The following KCNMB2 variants were observed in gnomAD, a reference collection of about 807,000 sequenced individuals.
KCNMB2 encodes the protein calcium-activated potassium channel subunit beta-2.
KCNMB2 carries 9 observed loss-of-function variants against 24.5 expected under a neutral mutation model. That is an observed-to-expected ratio of 0.37 (90% confidence interval 0.22 to 0.64). The LOEUF is 0.64. KCNMB2 is among the 30% of genes least tolerant of loss of function. The pLI is 0.63. For synonymous variants in KCNMB2, 109 were observed against 104.4 expected (o/e 1.04, Z -0.27); for missense variants, 226 against 284.3 (o/e 0.79, Z 1.47).
chr3:178,588,125 C>G (rs6793217), intron 1 of KCNMB2, among the ~76,000 whole-genome samples: 1 of 152,008 alleles, frequency 6.6e-6, no homozygotes, highest in African/African-American at 2.4e-5. Flanking sequence ...TTCTGACCTA[C>G]TAAGAGATGG....
At chr3:178,758,636 C>A (rs1209434802) in intron 1 of KCNMB2, among the ~76,000 whole-genome samples, 2 of 12,350 alleles carry the variant, frequency 1.6e-4, no homozygotes, top group Non-Finnish European at 2.7e-4. Context: ...ATATATCTCT[C>A]TCTCCAAGAG....
chr3:178,675,242 A>G (rs915964733), intron 1 of KCNMB2, among the ~76,000 whole-genome samples: 1 of 152,258 alleles, frequency 6.6e-6, no homozygotes, highest in Non-Finnish European at 1.5e-5. Flanking sequence ...GCCTCTTAAT[A>G]AGCATTTGTG....
intron 1 of KCNMB2, among the ~76,000 whole-genome samples, chr3:178,571,377 G>A (rs1319513023): frequency 1.2e-4 from 17 of 143,636 alleles, no homozygotes; most frequent in East Asian, 2.1e-4. Flanking sequence ...AATATATGGT[G>A]AATAAATAAA....
chr3:178,816,780 T>G (rs978559272), intron 2 of KCNMB2, among the ~76,000 whole-genome samples: 2 of 152,172 alleles, frequency 1.3e-5, no homozygotes, highest in Non-Finnish European at 2.9e-5. Flanking sequence ...GATGTCATTC[T>G]AGTTATTTTT....
At chr3:178,649,306 C>T (rs942333289) in intron 1 of KCNMB2, among the ~76,000 whole-genome samples, 1 of 152,166 alleles carries the variant, frequency 6.6e-6, no homozygotes, top group Non-Finnish European at 1.5e-5. Flanking sequence ...TACTCATAAA[C>T]ATCACCTTCT....
At chr3:178,683,475 G>T (rs1472430154) in intron 1 of KCNMB2, among the ~76,000 whole-genome samples, 1 of 152,002 alleles carries the variant, frequency 6.6e-6, no homozygotes, top group Non-Finnish European at 1.5e-5. Flanking sequence ...CTGAATCTAG[G>T]ATAAAAGTTG....
chr3:178,775,573 A>G (rs1712546963), intron 1 of KCNMB2, among the ~76,000 whole-genome samples: 1 of 152,202 alleles, frequency 6.6e-6, no homozygotes, highest in Admixed American at 6.6e-5. Flanking sequence ...CTTAAGCGAT[A>G]ATCACTTATC....
intron 1 of KCNMB2, among the ~76,000 whole-genome samples, chr3:178,671,706 C>G (rs1270389448): frequency 6.6e-6 from 1 of 152,206 alleles, no homozygotes; most frequent in Non-Finnish European, 1.5e-5. Context: ...GCTCTGCTGT[C>G]TGTCCTTGCT....
intron 1 of KCNMB2, among the ~76,000 whole-genome samples, chr3:178,672,670 A>G (rs7625907): frequency 0.37 from 55,934 of 152,048 alleles, 10,371 homozygotes; most frequent in Middle Eastern, 0.51. Context: ...AAATGTGCCC[A>G]TGAACATTTG....
chr3:178,722,594 C>T (rs7633068), intron 1 of KCNMB2, among the ~76,000 whole-genome samples: 25,525 of 152,136 alleles, frequency 0.17, 2,511 homozygotes, highest in African/African-American at 0.26. Flanking sequence ...TTAGTCACCT[C>T]TAAATGGTCC....
At chr3:178,652,226 G>GA (rs968096490) in intron 1 of KCNMB2, among the ~76,000 whole-genome samples, 2 of 151,952 alleles carry the variant, frequency 1.3e-5, no homozygotes, top group Non-Finnish European at 2.9e-5. Flanking sequence ...GAATTTACAT[G>GA]AAAAAAACAA....
chr3:178,539,169 T>G (rs17590394), intron 1 of KCNMB2, among the ~76,000 whole-genome samples: 30,661 of 152,052 alleles, frequency 0.2, 3,384 homozygotes, highest in African/African-American at 0.29. Context: ...GACCAGATAT[T>G]TCTCAAACTA....
chr3:178,598,807 TG>T (rs1347825204), intron 1 of KCNMB2, among the ~76,000 whole-genome samples: 1 of 152,078 alleles, frequency 6.6e-6, no homozygotes, highest in Non-Finnish European at 1.5e-5. Flanking sequence ...GAAGCTCTTA[TG>T]TGTCATATTA....
chr3:178,709,819 C>T (rs1023240163), intron 1 of KCNMB2, among the ~76,000 whole-genome samples: 1 of 152,096 alleles, frequency 6.6e-6, no homozygotes, highest in African/African-American at 2.4e-5. Flanking sequence ...CTCATTTAAG[C>T]CATTCTATGT....
chr3:178,694,575 G>A (rs190502140), intron 1 of KCNMB2, among the ~76,000 whole-genome samples: 2 of 152,308 alleles, frequency 1.3e-5, no homozygotes, highest in Admixed American at 1.3e-4. Context: ...CAGGCACTGG[G>A]TAAGTACACC....
chr3:178,754,177 T>TAC (rs1282906632), intron 1 of KCNMB2, among the ~76,000 whole-genome samples: 12,269 of 116,594 alleles, frequency 0.11, 816 homozygotes, highest in Middle Eastern at 0.17. Context: ...TATATATATA[T>TAC]ACACACACAC....
At chr3:178,720,235 G>T (rs955263681) in intron 1 of KCNMB2, among the ~76,000 whole-genome samples, 1 of 151,614 alleles carries the variant, frequency 6.6e-6, no homozygotes, top group Non-Finnish European at 1.5e-5. Context: ...GCAGTGTTTG[G>T]TTTTTTGTCC....
intron 1 of KCNMB2, among the ~76,000 whole-genome samples, chr3:178,631,176 G>A (rs1447225758): frequency 2.0e-5 from 3 of 152,120 alleles, no homozygotes; most frequent in Non-Finnish European, 2.9e-5. Context: ...GTTCATCGGG[G>A]TAAAAGTTAC....
chr3:178,803,561 A>G (rs1039458065), intron 1 of KCNMB2, among the ~76,000 whole-genome samples: 3 of 152,164 alleles, frequency 2.0e-5, no homozygotes, highest in African/African-American at 7.2e-5. Context: ...GTGTGTTACT[A>G]TGTGTCCTGG....
Sources: gnomAD v4.1 joint callset for allele counts (sites outside exome capture counted in the v4.1 genomes callset) on GRCh38, gnomAD v4.1.1 for gene constraint, MANE v1.5 for transcripts, NCBI Gene and HGNC (gene_info 2026-07-23, HGNC 2026-07-21) for gene names.